TPO: variants seen among roughly 807,000 people sequenced by gnomAD.
TPO encodes thyroid peroxidase.
TPO carries 78 observed loss-of-function variants against 96.9 expected under a neutral mutation model. The ratio of observed to expected loss-of-function variants is 0.81; its 90% CI spans 0.67 to 0.97. The LOEUF (loss-of-function observed/expected upper bound fraction) is 0.97, where lower values mean the gene tolerates loss of function less well. Ranked by LOEUF, TPO falls within the 50% of genes least tolerant of loss-of-function variation. TPO has a pLI of 0.00. For synonymous variants in TPO, 547 were observed against 538.0 expected (o/e 1.02, Z -0.23); for missense variants, 1,252 against 1,274.8 (o/e 0.98, Z 0.27).
intron 7 of TPO, among the ~76,000 whole-genome samples, chr2:1,460,283 A>G (rs1668300889): frequency 6.6e-6 from 1 of 152,094 alleles, no homozygotes; most frequent in Non-Finnish European, 1.5e-5. Flanking sequence ...TCATCTGTTA[A>G]CATTAGAGCT....
intron 7 of TPO, among the ~76,000 whole-genome samples, chr2:1,458,097 G>A (rs970471144): frequency 9.9e-5 from 15 of 151,332 alleles, no homozygotes; most frequent in African/African-American, 1.7e-4. Context: ...GGGCACGTGC[G>A]TTTATGGCAC....
Position 1,456,036 on chromosome 2 carries a change from G to T in TPO, c.613-40G>T, listed in dbSNP as rs761088690. The T allele has an allele frequency of 1.9e-6, 3 of 1,598,938 alleles. No individual in the cohort carries two copies. In the South Asian group the frequency reaches 3.4e-5, roughly 18 times the overall value. On this transcript the variant is annotated intron_variant, in intron 6 of 16. Coordinates refer to ENST00000329066, the MANE Select transcript of TPO (RefSeq NM_001206744.2). Reference sequence around the variant, plus strand: ...AAGGGTCATCTTTCTGCTACCACAGGGTCCTCCTATGTCCTGACCAATGGT... The same window carrying T: ...AAGGGTCATCTTTCTGCTACCACAGTGTCCTCCTATGTCCTGACCAATGGT...
chr2:1,414,332 G>C, intron 1 of TPO, 76 bp from the exon 2 acceptor site: 2 of 1,400,818 alleles, frequency 1.4e-6, no homozygotes, highest in Non-Finnish European at 2.0e-6. Context: ...CCCTCAGCAG[G>C]GAGACAAGGA....
At chr2:1,408,397 C>A (rs576302593) in intron 1 of TPO, among the ~76,000 whole-genome samples, 1 of 152,202 alleles carries the variant, frequency 6.6e-6, no homozygotes, top group Non-Finnish European at 1.5e-5. Context: ...CCTGTTTTCA[C>A]GTGGGGAGAG....
Position 1,422,257 on chromosome 2 carries a change from G to C in TPO, c.95-788G>C, listed in dbSNP as rs183736936. On this transcript the variant is annotated intron_variant, in intron 2 of 16. Coordinates refer to ENST00000329066, the MANE Select transcript of TPO (RefSeq NM_001206744.2). ...ATTTGTGTGCTCCTTGGGTGGGGACGAGCATGGAAGGCGCGTGGGACTGAA... is the reference window on the plus strand; with the variant it reads ...ATTTGTGTGCTCCTTGGGTGGGGACCAGCATGGAAGGCGCGTGGGACTGAA... Among the ~76,000 whole-genome samples, 7 of 96,876 alleles carry C rather than the reference G, an allele frequency of 7.2e-5. No individual in the cohort carries two copies. In the East Asian group the frequency reaches 1.6e-3, roughly 23 times the overall value. 63.6% of individuals were successfully genotyped at this position (96,876 alleles called of 152,430 possible). A position where few individuals can be genotyped will look rare whatever the true frequency, so the allele number is the denominator to read the frequency against.
chr2:1,406,125 G>A (rs1662246157), intron 1 of TPO, among the ~76,000 whole-genome samples: 1 of 152,154 alleles, frequency 6.6e-6, no homozygotes, highest in Admixed American at 6.5e-5. Context: ...CATTTTCTGG[G>A]GAAGCTCAAT....
At chr2:1,474,914 A>T (rs1160062227) in intron 7 of TPO, among the ~76,000 whole-genome samples, 1 of 152,184 alleles carries the variant, frequency 6.6e-6, no homozygotes, top group Non-Finnish European at 1.5e-5. Flanking sequence ...GCATTAATTT[A>T]ACTTTCTCAT....
chr2:1,487,727 A>G (rs1347094112), intron 9 of TPO, 94 bp from the exon 10 acceptor site: 53 of 1,508,432 alleles, frequency 3.5e-5, no homozygotes, highest in Non-Finnish European at 4.6e-5. Flanking sequence ...AGAAAGAATG[A>G]GACTCCGTCT....
intron 1 of TPO, among the ~76,000 whole-genome samples, chr2:1,400,638 A>G (rs1443015340): frequency 1.3e-5 from 2 of 151,304 alleles, no homozygotes; most frequent in African/African-American, 4.9e-5. Context: ...AAAAAAAACA[A>G]ATTTCACTTA....
chr2:1,475,645 G>A (rs578116948), intron 7 of TPO, among the ~76,000 whole-genome samples: 1 of 152,118 alleles, frequency 6.6e-6, no homozygotes, highest in Non-Finnish European at 1.5e-5. Flanking sequence ...GGATGGTCTC[G>A]ATCTCCTGAC....
intron 14 of TPO, 149 bp downstream of exon 14, chr2:1,504,228 G>C: frequency 7.0e-7 from 1 of 1,422,428 alleles, no homozygotes; most frequent in East Asian, 2.4e-5. Flanking sequence ...TGCCCGAGGG[G>C]CGTCTGCGCT....
chr2:1,509,666 G>A (rs965086103), intron 14 of TPO, among the ~76,000 whole-genome samples: 2 of 142,286 alleles, frequency 1.4e-5, no homozygotes, highest in Non-Finnish European at 3.0e-5. Flanking sequence ...CCACCCTCTT[G>A]TTTAGGGCAA....
At chr2:1,422,901 G>A in intron 2 of TPO, 144 bp from the exon 3 acceptor site, 1 of 817,966 alleles carries the variant, frequency 1.2e-6, no homozygotes, top group Admixed American at 2.0e-5. Context: ...GTGGAGGGAA[G>A]CGACCCCGGG....
At chr2:1,437,367 C>A (rs1304157277) in intron 5 of TPO, among the ~76,000 whole-genome samples, 1 of 152,108 alleles carries the variant, frequency 6.6e-6, no homozygotes, top group Non-Finnish European at 1.5e-5. Flanking sequence ...ATGCAGGCAG[C>A]AAAGGTGCTT....
At position 1,388,905 on chromosome 2, in the gene TPO, G is replaced by A. The variant is rs574568775; in HGVS notation, n.180+14503G>A. 5.9e-5 allele frequency among the ~76,000 whole-genome samples: 9 copies of A among 152,264 alleles called. No homozygotes were observed. The East Asian group carries it at 9.7e-4, about 16-fold the overall frequency. On this transcript the variant is annotated intron_variant and non_coding_transcript_variant, in intron 1 of 5. Transcript: ENST00000497517. The stretch of plus-strand genomic sequence containing the variant: ...TATTTCCACCTGTACCTTCCTAGAC[G>A]GGTCAGAATTCTCTAAAGAAAATTT...
intron 15 of TPO, among the ~76,000 whole-genome samples, chr2:1,521,846 T>C (rs556739453): frequency 4.7e-4 from 71 of 152,010 alleles, no homozygotes; most frequent in Admixed American, 4.6e-3. Context: ...CCCAGCCTGG[T>C]CACACATGAA....
intron 7 of TPO, among the ~76,000 whole-genome samples, chr2:1,460,318 A>T (rs1400652175): frequency 6.6e-6 from 1 of 152,154 alleles, no homozygotes; most frequent in East Asian, 1.9e-4. Flanking sequence ...AAGTACCTGT[A>T]TCTTCAGCAA....
chr2:1,407,822 T>C (rs1353097217), intron 1 of TPO, among the ~76,000 whole-genome samples: 1 of 152,232 alleles, frequency 6.6e-6, no homozygotes, highest in African/African-American at 2.4e-5. Flanking sequence ...TCCATTTCTA[T>C]GAAACCCACA....
chr2:1,383,005 T>C (rs1661833595), intron 1 of TPO, among the ~76,000 whole-genome samples: 1 of 151,852 alleles, frequency 6.6e-6, no homozygotes, highest in Admixed American at 6.6e-5. Flanking sequence ...GATAGTTTGC[T>C]GAGAATGATG....
Sources: allele counts gnomAD v4.1 joint callset (sites outside exome capture counted in the v4.1 genomes callset), GRCh38; gene constraint gnomAD v4.1.1; transcripts MANE v1.5; gene names NCBI Gene and HGNC (gene_info 2026-07-23, HGNC 2026-07-21).